CALN1: variants seen among roughly 807,000 people sequenced by gnomAD.
CALN1 encodes calneuron 1, also known as calcium-binding protein 8.
In CALN1, 17 loss-of-function variants were observed where a neutral mutation model predicts 30.6. That is an observed-to-expected ratio of 0.56 (90% CI 0.38 to 0.83). The LOEUF (loss-of-function observed/expected upper bound fraction) is 0.83, where lower values mean the gene tolerates loss of function less well. CALN1 is among the 40% of genes least tolerant of loss of function. The probability of loss-of-function intolerance (pLI) is 0.00; values close to 1 mark genes in which losing one functional copy is unlikely to be tolerated. For missense variants in CALN1, 291 were observed against 354.9 expected, an observed-to-expected ratio of 0.82 and a Z score of 1.45; for synonymous variants, 156 against 131.4, an observed-to-expected ratio of 1.19 and a Z score of -1.28.
At position 72,385,186 on chromosome 7, in the gene CALN1, T is replaced by C. The variant is rs1275203641; in HGVS notation, c.119+18065A>G. On this transcript the variant is annotated intron_variant, in intron 2 of 6. Coordinates refer to ENST00000395275, the MANE Select transcript of CALN1 (RefSeq NM_031468.4). ...CAAAAATGTGAAGCAACAAGAACTTTCTTGATGATGGGAATATAAAATGGT... is the reference window on the plus strand; with the variant it reads ...CAAAAATGTGAAGCAACAAGAACTTCCTTGATGATGGGAATATAAAATGGT... 2.0e-5 allele frequency among the ~76,000 whole-genome samples: 3 copies of C among 152,226 alleles called. No individual in the cohort carries two copies. In the East Asian group the frequency reaches 5.8e-4, roughly 29 times the overall value.
At chr7:72,278,412 C>T (rs945594190) in intron 3 of CALN1, among the ~76,000 whole-genome samples, 18 of 151,700 alleles carry the variant, frequency 1.2e-4, no homozygotes, top group Admixed American at 7.9e-4. Context: ...GGCTATCCCC[C>T]CAGTCACTAT....
chr7:72,038,257 GCCTTTA>G (rs1562999531), intron 4 of CALN1, among the ~76,000 whole-genome samples: 1 of 152,120 alleles, frequency 6.6e-6, no homozygotes, highest in African/African-American at 2.4e-5. Flanking sequence ...ATGGGGAGCT[GCCTTTA>G]CCCCACCCCC....
At chr7:72,008,852 C>A in intron 5 of CALN1, among the ~76,000 whole-genome samples, 1 of 151,932 alleles carries the variant, frequency 6.6e-6, no homozygotes, top group East Asian at 1.9e-4. Flanking sequence ...GACGGGGTTT[C>A]ACCATGTTGG....
chr7:72,060,510 G>C (rs953174727), intron 4 of CALN1, among the ~76,000 whole-genome samples: 6 of 152,180 alleles, frequency 3.9e-5, no homozygotes, highest in African/African-American at 1.4e-4. Flanking sequence ...GGGCTCACCT[G>C]TAAGTTGTTC....
intron 3 of CALN1, among the ~76,000 whole-genome samples, chr7:72,132,914 A>T (rs1393140805): frequency 2.0e-5 from 3 of 152,136 alleles, no homozygotes; most frequent in Admixed American, 2.0e-4. Context: ...TTACTGCCTG[A>T]GCTCCATCTC....
rs140634723 is a variant in CALN1 at position 71,889,378 on chromosome 7, G to A, written c.502-78886C>T. On this transcript the variant is annotated intron_variant, in intron 5 of 6. Transcript: ENST00000395275. ...AAATAAATACTCCAGTACATGCAAG[G>A]TAAAAACTTGACGTTGGGGCAAAAA... Among the ~76,000 whole-genome samples, 481 of 152,050 alleles carry A rather than the reference G, an allele frequency of 3.2e-3. 1 individual carries two copies. Among genetic ancestry groups the A allele is most frequent in the Middle Eastern group, 0.031 (9 of 294 alleles).
chr7:72,264,649 C>T (rs1374463516), intron 3 of CALN1, among the ~76,000 whole-genome samples: 1 of 152,102 alleles, frequency 6.6e-6, no homozygotes, highest in African/African-American at 2.4e-5. Context: ...CACAGGTGTG[C>T]AAGCACCACA....
At chr7:72,247,227 CTTTTTTTTTTTTTTTTTTTTTTTTTTTTT>C (rs764276435) in intron 3 of CALN1, among the ~76,000 whole-genome samples, 1 of 77,672 alleles carries the variant, frequency 1.3e-5, no homozygotes, top group African/African-American at 5.5e-5. Context: ...CATTTTCTTT[CTTTTTTTTTTTTTTTTTTTTTTTTTTTTT>C]TTTTTTTTTT....
intron 2 of CALN1, among the ~76,000 whole-genome samples, chr7:72,398,037 G>A (rs1806096011): frequency 6.6e-6 from 1 of 152,200 alleles, no homozygotes; most frequent in African/African-American, 2.4e-5. Flanking sequence ...TTGTGGGGAA[G>A]TAGGACCATT....
intron 6 of CALN1, among the ~76,000 whole-genome samples, chr7:71,799,450 T>TTAG (rs1787173139): frequency 1.2e-3 from 86 of 69,120 alleles, no homozygotes; most frequent in African/African-American, 1.5e-3. Flanking sequence ...TATTTATTTA[T>TTAG]TTAGTTAGTT....
intron 3 of CALN1, among the ~76,000 whole-genome samples, chr7:72,188,587 A>T (rs1585122741): frequency 6.6e-6 from 1 of 152,238 alleles, no homozygotes; most frequent in East Asian, 1.9e-4. Flanking sequence ...AAAAAATTAC[A>T]AATTGGGTTC....
chr7:72,374,399 G>A (rs956567584), intron 2 of CALN1, among the ~76,000 whole-genome samples: 1 of 151,728 alleles, frequency 6.6e-6, no homozygotes, highest in African/African-American at 2.4e-5. Context: ...TGTGGTGGAG[G>A]GCGCCTGTAA....
chr7:72,207,255 G>A (rs977591745), intron 3 of CALN1, among the ~76,000 whole-genome samples: 8 of 152,092 alleles, frequency 5.3e-5, no homozygotes, highest in African/African-American at 1.4e-4. Flanking sequence ...CGGGAGGGAA[G>A]AACTTATTCT....
intron 5 of CALN1, among the ~76,000 whole-genome samples, chr7:71,984,106 G>T (rs1046724641): frequency 1.3e-5 from 2 of 152,178 alleles, no homozygotes; most frequent in Admixed American, 1.3e-4. Flanking sequence ...AAGGAGGAAA[G>T]AAAAGATGAT....
chr7:71,933,000 T>C (rs1178224213), intron 5 of CALN1, among the ~76,000 whole-genome samples: 1 of 151,980 alleles, frequency 6.6e-6, no homozygotes, highest in Admixed American at 6.6e-5. Context: ...CAGGAGTCCT[T>C]GGTAAGGTCT....
At chr7:72,379,666 C>G (rs1355586523) in intron 2 of CALN1, among the ~76,000 whole-genome samples, 1 of 152,262 alleles carries the variant, frequency 6.6e-6, no homozygotes, top group Non-Finnish European at 1.5e-5. Flanking sequence ...AGAGACAGGA[C>G]ACTCAATGAG....
intron 2 of CALN1, among the ~76,000 whole-genome samples, chr7:72,371,706 C>T (rs189446427): frequency 1.3e-5 from 2 of 152,208 alleles, no homozygotes; most frequent in African/African-American, 2.4e-5. Context: ...ATTATGCATG[C>T]ATGTATTCCA....
At position 72,328,082 on chromosome 7, in the gene CALN1, G is replaced by A. The variant is rs549562523; in HGVS notation, c.120-49272C>T. Among the ~76,000 whole-genome samples the A allele has an allele frequency of 2.3e-4, 35 of 151,928 alleles. 1 individual carries two copies. The South Asian group carries it at 7.3e-3, about 32-fold the overall frequency. ...AAGAAAGGTGCCTTCCAAGTTCTATGTAACATTTCTGTATAGCTTTTAATT... is the reference window on the plus strand; with the variant it reads ...AAGAAAGGTGCCTTCCAAGTTCTATATAACATTTCTGTATAGCTTTTAATT... On this transcript the variant is annotated intron_variant, in intron 2 of 6. Transcript: ENST00000395275.
rs551012605 is a variant in CALN1, at chr7:71,958,906, G to A, written c.501+64751C>T. 3.9e-5 allele frequency among the ~76,000 whole-genome samples: 6 copies of A among 152,320 alleles called. No homozygotes were observed. The East Asian group carries it at 1.2e-3, about 29-fold the overall frequency. On this transcript the variant is annotated intron_variant, in intron 5 of 6. Coordinates refer to ENST00000395275, the MANE Select transcript of CALN1 (RefSeq NM_031468.4). ...CATTGCCCAGAGTTCTTTCTTGACT[G>A]ACAGATCAGACCCTCAGATCACTTT...
Sources: allele counts gnomAD v4.1 joint callset (sites outside exome capture counted in the v4.1 genomes callset), GRCh38; gene constraint gnomAD v4.1.1; transcripts MANE v1.5; gene names NCBI Gene and HGNC (gene_info 2026-07-23, HGNC 2026-07-21).